The following MEIS3 variants were observed in gnomAD, a reference collection of about 807,000 sequenced individuals.
MEIS3 encodes the protein homeobox protein Meis3.
MEIS3 carries 38 observed loss-of-function variants against 51.4 expected under a neutral mutation model. The ratio of observed to expected loss-of-function variants is 0.74; its 90% CI spans 0.57 to 0.97. The LOEUF (loss-of-function observed/expected upper bound fraction) is 0.97. Among genes scored for constraint, MEIS3 ranks in the 50% least tolerant of loss-of-function variants. MEIS3 has a pLI of 0.00. For missense variants in MEIS3, 456 were observed against 502.6 expected (o/e 0.91, Z 0.89); for synonymous variants, 198 against 201.8 (o/e 0.98, Z 0.16).
At position 47,403,571 on chromosome 19, in the gene MEIS3, G is replaced by A; in HGVS notation, c.*18-18C>T. 2.3e-6 allele frequency: 1 copy of A among 428,262 alleles called. No individual in the cohort carries two copies. The highest frequency in any genetic ancestry group is 1.7e-5 in the South Asian group (1 of 59,778). The allele number at this position is 428,262 out of a possible 1,614,324, so 26.5% of individuals were successfully genotyped here. A position where few individuals can be genotyped will look rare whatever the true frequency, so the allele number is the denominator to read the frequency against. ...GGCTGGGTCTGTGGAGAGGGGAGGAGAGGCCAAGTCAGGAGCGGGCAGGGG... is the reference window on the plus strand; with the variant it reads ...GGCTGGGTCTGTGGAGAGGGGAGGAAAGGCCAAGTCAGGAGCGGGCAGGGG... On this transcript the variant is annotated intron_variant, in intron 12 of 12. Coordinates refer to ENST00000558555, the MANE Select transcript of MEIS3 (RefSeq NM_001301059.2).
Position 47,409,529 on chromosome 19 carries a change from C to G in MEIS3, c.616G>C (p.Asp206His). Residue 206 changes from aspartate to histidine, a missense_variant, in exon 7 of 13, where the codon GAC becomes CAC. By Grantham distance (81) the Asp-to-His change is moderately conservative. Coordinates refer to ENST00000558555, the MANE Select transcript of MEIS3 (RefSeq NM_001301059.2). Reference protein sequence around the residue: ...LPDQNNMWIRDHEDSGSVHLG... With the variant: ...LPDQNNMWIRHHEDSGSVHLG... The stretch of plus-strand genomic sequence containing the variant: ...TGTACAGACCCACTATCCTCATGGT[C>G]TCGAATCCACATATTATTCTAGAAA... 6.2e-7 allele frequency: 1 copy of G among 1,613,724 alleles called. No homozygotes were observed. The highest frequency in any genetic ancestry group is 8.5e-7 in the Non-Finnish European group (1 of 1,179,632).
intron 1 of MEIS3, 120 bp downstream of exon 1, chr19:47,418,950 A>G (rs1320266463): frequency 3.8e-6 from 2 of 526,642 alleles, no homozygotes; most frequent in Non-Finnish European, 5.6e-6. Context: ...AGGGGCAGAG[A>G]GAGAGCGAGG....
intron 11 of MEIS3, 55 bp from the exon 12 acceptor site, chr19:47,406,581 GCCTCTAAGTCTC>G: frequency 7.8e-6 from 12 of 1,546,520 alleles, no homozygotes; most frequent in Non-Finnish European, 1.1e-5. Flanking sequence ...ACCCCCAGAT[GCCTCTAAGTCTC>G]CCTCACCCCT....
chr19:47,408,095 G>A (rs897218825), intron 8 of MEIS3, among the ~76,000 whole-genome samples: 10 of 151,952 alleles, frequency 6.6e-5, no homozygotes, highest in Admixed American at 5.9e-4. Context: ...ATAAGCCACC[G>A]CACCCAGCCC....
At chr19:47,420,521 CAGAGAGAGAG>C (rs148696106), upstream of MEIS3, among the ~76,000 whole-genome samples, 1 of 135,058 alleles carries the variant, frequency 7.4e-6, no homozygotes, top group Admixed American at 7.3e-5. Context: ...CGGTGTGATT[CAGAGAGAGAG>C]AGAGACAGAG....
At chr19:47,420,888 T>G (rs73940829), upstream of MEIS3, among the ~76,000 whole-genome samples, 3,172 of 126,550 alleles carry the variant, frequency 0.025, 111 homozygotes, top group African/African-American at 0.085. Context: ...CGTCTCTGTC[T>G]CTCGCTCTCT....
At position 47,416,706 on chromosome 19, in the gene MEIS3, G is replaced by A. The variant is rs1184180037; in HGVS notation, c.346-4C>T. On this transcript the variant is annotated splice_polypyrimidine_tract_variant and splice_region_variant and intron_variant, in intron 3 of 12. Coordinates refer to ENST00000558555, the MANE Select transcript of MEIS3 (RefSeq NM_001301059.2). ...AGAGGGGCCTCTCAGAGCGAACCTG[G>A]GAGGGAAGAGAGAGGCCGGCAGGGG... The A allele has an allele frequency of 4.4e-6, 7 of 1,591,844 alleles. No individual in the cohort carries two copies. The South Asian group carries it at 4.5e-5, about 10-fold the overall frequency.
At chr19:47,417,073 G>A in intron 2 of MEIS3, 105 bp downstream of exon 2, 1 of 1,533,874 alleles carries the variant, frequency 6.5e-7, no homozygotes, top group Non-Finnish European at 8.8e-7. Context: ...GAGAGGGAAG[G>A]AGACAGAGAC....
At chr19:47,421,178 G>A (rs541323344), upstream of MEIS3, among the ~76,000 whole-genome samples, 1 of 152,162 alleles carries the variant, frequency 6.6e-6, no homozygotes, top group Non-Finnish European at 1.5e-5. Context: ...TCCCTGGGTG[G>A]CATCAGAGTG....
intron 12 of MEIS3, among the ~76,000 whole-genome samples, chr19:47,405,266 C>G (rs1970760415): frequency 1.3e-5 from 2 of 152,166 alleles, no homozygotes; most frequent in Admixed American, 1.3e-4. Context: ...CATACCAGGC[C>G]ACAGAAGACT....
chr19:47,416,724 G>A (rs780903960), intron 3 of MEIS3, 22 bp from the exon 4 acceptor site: 15 of 1,604,944 alleles, frequency 9.3e-6, no homozygotes, highest in East Asian at 4.5e-5. Flanking sequence ...GAGAGAGGCC[G>A]GCAGGGGGAT....
chr19:47,422,074 C>T (rs570148830), upstream of MEIS3, among the ~76,000 whole-genome samples: 1 of 152,200 alleles, frequency 6.6e-6, no homozygotes, highest in African/African-American at 2.4e-5. Flanking sequence ...CCCGCCCCTC[C>T]GCCCGCTGGC....
intron 1 of MEIS3, 165 bp downstream of exon 1, chr19:47,418,905 G>T (rs1413334061): frequency 2.4e-6 from 1 of 414,086 alleles, no homozygotes; most frequent in Non-Finnish European, 4.2e-6. Flanking sequence ...GCAGAGAGGG[G>T]GCACACAGGG....
Position 47,406,766 on chromosome 19 carries a change from G to T in MEIS3, c.1078+122C>A, listed in dbSNP as rs908349899. On this transcript the variant is annotated intron_variant, in intron 11 of 12. Transcript: ENST00000558555. ...CAGGAAATCTGCCTTGGCATCACCTGCTTCTCACTAGGCAAGTGACACACT... is the reference window on the plus strand; with the variant it reads ...CAGGAAATCTGCCTTGGCATCACCTTCTTCTCACTAGGCAAGTGACACACT... 7.0e-6 allele frequency: 7 copies of T among 993,868 alleles called. No individual in the cohort carries two copies. In the African/African-American group the frequency reaches 8.2e-5, roughly 12 times the overall value. The allele number at this position is 993,868 out of a possible 1,614,324, so 61.6% of individuals were successfully genotyped here. A position where few individuals can be genotyped will look rare whatever the true frequency, so the allele number is the denominator to read the frequency against.
Position 47,414,703 on chromosome 19 carries a change from C to G in MEIS3, c.597+14G>C, listed in dbSNP as rs750266678. The G allele has an allele frequency of 1.3e-6, 2 of 1,578,196 alleles. No individual in the cohort carries two copies. The highest frequency in any genetic ancestry group is 2.3e-5 in the East Asian group (1 of 43,056). On this transcript the variant is annotated intron_variant, in intron 6 of 12. Coordinates refer to ENST00000558555, the MANE Select transcript of MEIS3 (RefSeq NM_001301059.2). ...TGGCTGCAGGACGATGCCTGGTGCC[C>G]GTCCCGGGCCCACCTGGTCTGGGAG...
chr19:47,418,756 A>C, intron 1 of MEIS3: 1 of 230,298 alleles, frequency 4.3e-6, no homozygotes, highest in Non-Finnish European at 7.8e-6. Context: ...GGGGGAGACC[A>C]GGGACAGAGA....
In MEIS3 at chr19:47,413,820, C is replaced by T. The variant is rs151279594; in HGVS notation, c.597+897G>A. ...CTGGCTGACTGCAAGCTCCACCTCC[C>T]GGGTTCATGCCATTCTCCTGCCTCA... is the stretch of plus-strand genomic sequence containing the variant. On this transcript the variant is annotated intron_variant, in intron 6 of 12. Transcript: ENST00000558555. 5.5e-3 allele frequency among the ~76,000 whole-genome samples: 838 copies of T among 151,726 alleles called. 10 individuals are homozygous for T. Among genetic ancestry groups the T allele is most frequent in the African/African-American group, 0.019 (781 of 41,364 alleles).
intron 9 of MEIS3, 44 bp from the exon 10 acceptor site, chr19:47,407,181 T>A: frequency 6.3e-7 from 1 of 1,584,230 alleles, no homozygotes; most frequent in Non-Finnish European, 8.6e-7. Flanking sequence ...AAAGAGGGAG[T>A]GGGAGAGAGG....
At chr19:47,416,524 A>C in intron 4 of MEIS3, 128 bp downstream of exon 4, 1 of 771,636 alleles carries the variant, frequency 1.3e-6, no homozygotes, top group Non-Finnish European at 2.1e-6. Context: ...GTGGGCAACA[A>C]TCATGACGGT....
Sources: gnomAD v4.1 joint callset for allele counts (sites outside exome capture counted in the v4.1 genomes callset) on GRCh38, gnomAD v4.1.1 for gene constraint, MANE v1.5 for transcripts, NCBI Gene and HGNC (gene_info 2026-07-23, HGNC 2026-07-21) for gene names.